Variants in HMGXB3 observed in about 807,000 individuals in gnomAD.
HMGXB3 encodes HMG domain-containing protein 3.
HMGXB3 carries 45 observed loss-of-function variants against 121.5 expected under a neutral mutation model. The observed-to-expected ratio is 0.37, with a 90% CI of 0.29 to 0.47. HMGXB3 has a LOEUF of 0.47. Among genes scored for constraint, HMGXB3 ranks in the 20% least tolerant of loss-of-function variants. HMGXB3 has a pLI of 0.99. For synonymous variants in HMGXB3, 590 were observed against 624.1 expected (o/e 0.95, Z 0.81); for missense variants, 1,376 against 1,602.2 (o/e 0.86, Z 2.41).
At position 150,041,929 on chromosome 5, in the gene HMGXB3, A is replaced by G. The variant is rs1467020133; in HGVS notation, c.2690A>G (p.Gln897Arg). Reference protein sequence around the residue: ...CGVAPKVEMAQRSEENVLALK... With the variant: ...CGVAPKVEMARRSEENVLALK... Reference sequence around the variant, plus strand: ...GTGGCCCCCAAAGTGGAAATGGCTCAGAGGAGTGAAGAGAATGTGCTAGCA... The same window carrying G: ...GTGGCCCCCAAAGTGGAAATGGCTCGGAGGAGTGAAGAGAATGTGCTAGCA... The change falls in exon 15 of 20, where the codon CAG (glutamine) becomes CGG (arginine). Residue 897 changes from glutamine (Q) to arginine (R), a missense_variant. Physicochemically the swap from Gln to Arg is conservative, Grantham distance 43. Coordinates refer to ENST00000502717, the MANE Select transcript of HMGXB3 (RefSeq NM_014983.3). The G allele has an allele frequency of 1.3e-6, 2 of 1,551,572 alleles. No homozygotes were observed. Among genetic ancestry groups the G allele is most frequent in the African/African-American group, 2.7e-5 (2 of 73,044 alleles).
intron 7 of HMGXB3, 84 bp downstream of exon 7, chr5:150,024,764 G>C: frequency 8.8e-7 from 1 of 1,138,120 alleles, no homozygotes; most frequent in East Asian, 2.6e-5. Flanking sequence ...ATGCCTGAGA[G>C]AGGCAGCAGA....
Position 150,053,028 on chromosome 5 carries a change from G to A in HMGXB3, c.*836G>A, listed in dbSNP as rs1199544038. On this transcript the variant is annotated 3_prime_UTR_variant, in exon 20 of 20. Coordinates refer to ENST00000502717, the MANE Select transcript of HMGXB3 (RefSeq NM_014983.3). ...GGACTGGCTCAAGTGCCCAAGGTTT[G>A]TTTAGGGCCTGGGAATTGGCCATGT... 2.4e-5 allele frequency: 4 copies of A among 167,738 alleles called. No homozygotes were observed. In the Admixed American group the frequency reaches 2.6e-4, roughly 11 times the overall value. The allele number at this position is 167,738 out of a possible 1,614,324, so 10.4% of individuals were successfully genotyped here.
chr5:150,005,698 A>G (rs1455477768), intron 2 of HMGXB3, among the ~76,000 whole-genome samples: 4 of 152,084 alleles, frequency 2.6e-5, no homozygotes, highest in African/African-American at 4.8e-5. Flanking sequence ...CTCTAACTTC[A>G]CTCTTGACTG....
chr5:150,006,443 G>C, intron 2 of HMGXB3, 30 bp from the exon 3 acceptor site: 3 of 1,535,984 alleles, frequency 2.0e-6, no homozygotes, highest in Non-Finnish European at 2.6e-6. Flanking sequence ...CCATTACTGG[G>C]AAAGCCTGAA....
At chr5:150,042,574 A>G (rs1218704650) in intron 15 of HMGXB3, among the ~76,000 whole-genome samples, 2 of 150,270 alleles carry the variant, frequency 1.3e-5, no homozygotes, top group African/African-American at 4.9e-5. Context: ...GAGGACCAGC[A>G]AGGAGACCAG....
At chr5:150,006,335 T>G in intron 2 of HMGXB3, 138 bp from the exon 3 acceptor site, 1 of 590,968 alleles carries the variant, frequency 1.7e-6, no homozygotes, top group Non-Finnish European at 2.8e-6. Context: ...ATCAACCTCT[T>G]GACTACCCAT....
rs1341630263 is a variant in HMGXB3 at position 150,036,824 on chromosome 5, C to G, written c.2172C>G (p.Ser724=). ...TCAACAGCTCTCGACTTATCTTGTC[C>G]AACGTGAGTGAGGAGACAGTCACCA... ...HELNSSRLIL[S]NVSEETVTIE... is the part of the protein sequence containing the mutation. The change falls in exon 12 of 20, where the codon TCC becomes TCG. Residue 724 remains serine, a synonymous_variant. Coordinates refer to ENST00000502717, the MANE Select transcript of HMGXB3 (RefSeq NM_014983.3). The G allele has an allele frequency of 1.3e-6, 2 of 1,551,602 alleles. No individual in the cohort carries two copies. The highest frequency in any genetic ancestry group is 3.9e-5 in the Admixed American group (2 of 50,984).
chr5:150,049,115 C>T (rs1026863020), intron 18 of HMGXB3, among the ~76,000 whole-genome samples: 2 of 152,126 alleles, frequency 1.3e-5, no homozygotes, highest in Non-Finnish European at 2.9e-5. Context: ...AGGGAGGAGC[C>T]CATTGGTAAG....
intron 1 of HMGXB3, 44 bp from the exon 2 acceptor site, chr5:150,004,807 A>G (rs758299170): frequency 9.4e-6 from 13 of 1,389,592 alleles, no homozygotes; most frequent in Non-Finnish European, 1.3e-5. Context: ...TGCCCCTCTT[A>G]GGGGAGATTC....
At chr5:150,015,552 G>A (rs1205370452) in intron 5 of HMGXB3, among the ~76,000 whole-genome samples, 3 of 152,310 alleles carry the variant, frequency 2.0e-5, no homozygotes, top group Admixed American at 6.5e-5. Context: ...GCCTCCAAAA[G>A]TATTGGAATT....
At chr5:150,022,862 G>A (rs1447647149) in intron 6 of HMGXB3, among the ~76,000 whole-genome samples, 4 of 138,394 alleles carry the variant, frequency 2.9e-5, no homozygotes, top group Non-Finnish European at 6.1e-5. Context: ...GTCTCGCTCT[G>A]TCACCCAGGC....
At position 150,048,602 on chromosome 5, in the gene HMGXB3, G is replaced by C. The variant is rs1226903639; in HGVS notation, c.3118G>C (p.Glu1040Gln). The change falls in exon 18 of 20, where the codon GAA becomes CAA. Residue 1040 changes from glutamate to glutamine, a missense_variant. Physicochemically the swap from Glu to Gln is conservative, Grantham distance 29. Transcript: ENST00000502717. ...QLCFSLLALYESVQNGARAIR... is the reference protein window; with the variant it reads ...QLCFSLLALYQSVQNGARAIR... Reference sequence around the variant, plus strand: ...CTGCTTCTCCTTGTTGGCCCTCTACGAATCTGTACAGAATGGAGCTAGAGC... The same window carrying C: ...CTGCTTCTCCTTGTTGGCCCTCTACCAATCTGTACAGAATGGAGCTAGAGC... 1.3e-6 allele frequency: 2 copies of C among 1,551,820 alleles called. No individual in the cohort carries two copies. Among genetic ancestry groups the C allele is most frequent in the African/African-American group, 2.7e-5 (2 of 73,008 alleles).
intron 6 of HMGXB3, among the ~76,000 whole-genome samples, chr5:150,018,924 T>C (rs1232800492): frequency 6.6e-6 from 1 of 152,182 alleles, no homozygotes; most frequent in East Asian, 1.9e-4. Flanking sequence ...ATTAACATTT[T>C]GGTGTACTTC....
chr5:150,037,348 AAAG>A (rs1756523514), intron 12 of HMGXB3, 49 bp from the exon 13 acceptor site: 2 of 1,467,646 alleles, frequency 1.4e-6, no homozygotes, highest in African/African-American at 2.9e-5. Flanking sequence ...GGAACTCCAT[AAAG>A]AAGTCTCTTT....
intron 17 of HMGXB3, 39 bp downstream of exon 17, chr5:150,047,796 G>A: frequency 6.5e-7 from 1 of 1,550,142 alleles, no homozygotes; most frequent in East Asian, 2.4e-5. Context: ...GGGGCTTCTG[G>A]AGTAGGCTGA....
chr5:150,051,702 A>C, intron 19 of HMGXB3, 23 bp from the exon 20 acceptor site: 4 of 1,484,606 alleles, frequency 2.7e-6, no homozygotes, highest in Non-Finnish European at 3.6e-6. Flanking sequence ...TCTTATCAAA[A>C]TGCATTCTCA....
chr5:150,048,437 G>C (rs903625339), intron 17 of HMGXB3, 132 bp from the exon 18 acceptor site: 2 of 652,494 alleles, frequency 3.1e-6, no homozygotes. Context: ...GGCTGATGAG[G>C]CTCCAAGGCC....
intron 9 of HMGXB3, among the ~76,000 whole-genome samples, chr5:150,028,102 A>G (rs1756276140): frequency 6.6e-6 from 1 of 152,182 alleles, no homozygotes; most frequent in African/African-American, 2.4e-5. Flanking sequence ...ATCAGTCAAC[A>G]TACACAAGAT....
At chr5:150,045,710 G>A (rs935464601) in intron 16 of HMGXB3, 25 bp downstream of exon 16, 1 of 1,537,798 alleles carries the variant, frequency 6.5e-7, no homozygotes, top group Non-Finnish European at 8.8e-7. Context: ...TGGCTGACTG[G>A]GGTCAAAAAA....
Sources: gnomAD v4.1 joint callset for allele counts (sites outside exome capture counted in the v4.1 genomes callset) on GRCh38, gnomAD v4.1.1 for gene constraint, MANE v1.5 for transcripts, NCBI Gene and HGNC (gene_info 2026-07-23, HGNC 2026-07-21) for gene names.